Variants in KDM2B observed in about 807,000 individuals in gnomAD.
The protein encoded by KDM2B is lysine-specific demethylase 2B.
KDM2B carries 26 observed loss-of-function variants against 150.0 expected under a neutral mutation model. The ratio of observed to expected loss-of-function variants is 0.17; its 90% confidence interval spans 0.13 to 0.24. KDM2B has a LOEUF of 0.24. KDM2B is among the 10% of genes least tolerant of loss of function. The pLI, the probability that KDM2B is intolerant of heterozygous loss-of-function variation, is 1.00. For missense variants in KDM2B, 1,265 were observed against 1,816.9 expected (o/e 0.70, Z 5.52); for synonymous variants, 734 against 729.5 (o/e 1.01, Z -0.10).
chr12:121,544,297 A>C lies in KDM2B; in HGVS notation c.683+4580T>G, dbSNP rs376923955. Among the ~76,000 whole-genome samples, 127 of 151,946 alleles carry C rather than the reference A, an allele frequency of 8.4e-4. No individual in the cohort carries two copies. The South Asian group carries it at 0.02, about 24-fold the overall frequency. On this transcript the variant is annotated intron_variant, in intron 6 of 22. Transcript: ENST00000377071. The stretch of plus-strand genomic sequence containing the variant: ...CAACAAAGCAAGACTCTGTCTCCAA[A>C]AAATAAAAAACAAATAAACAAAAAG...
chr12:121,500,203 T>C (rs1169006027), intron 11 of KDM2B, among the ~76,000 whole-genome samples: 1 of 152,146 alleles, frequency 6.6e-6, no homozygotes, highest in Non-Finnish European at 1.5e-5. Flanking sequence ...ATCATGTCAC[T>C]GGCTTCCCTA....
At chr12:121,443,594 G>A (rs1184376603) in intron 17 of KDM2B, 86 bp downstream of exon 17, 4 of 800,206 alleles carry the variant, frequency 5.0e-6, no homozygotes, top group Non-Finnish European at 6.6e-6. Context: ...GCAGCAGTGG[G>A]GTGGAGGACC....
At chr12:121,480,921 T>G (rs1274682451) in intron 12 of KDM2B, among the ~76,000 whole-genome samples, 6 of 108,436 alleles carry the variant, frequency 5.5e-5, no homozygotes, top group East Asian at 8.6e-4. Flanking sequence ...GTGAGAGGTG[T>G]TTTTTTTGTT....
Position 121,467,019 on chromosome 12 carries a change from G to A in KDM2B, c.1735-13675C>T, listed in dbSNP as rs1427438658. ...TACGCCCCGCTCGGGCCCGGCCCCG[G>A]CCGCCCCGCCGGCAGCGGCAGCAAA... is the stretch of plus-strand genomic sequence containing the variant. On this transcript the variant is annotated intron_variant, in intron 12 of 22. Transcript: ENST00000377071. This position sits in a 1 kb window ranked among gnomAD's most constrained non-coding sequence, Gnocchi z 5.1. 28 of 318,378 alleles carry A rather than the reference G, an allele frequency of 8.8e-5. No homozygotes were observed. The highest frequency in any genetic ancestry group is 1.2e-4 in the Non-Finnish European group (25 of 215,728). The allele number at this position is 318,378 out of a possible 1,614,324, so 19.7% of individuals were successfully genotyped here.
In KDM2B at chr12:121,442,984, G is replaced by A. The variant is rs782042987; in HGVS notation, c.2604+8C>T. Reference sequence around the variant, plus strand: ...GCCTGGGGCACAGGAGGGAGGGGAAGATGGTACCTTTTTCCTGAAAAGCTT... The same window carrying A: ...GCCTGGGGCACAGGAGGGAGGGGAAAATGGTACCTTTTTCCTGAAAAGCTT... On this transcript the variant is annotated splice_region_variant and intron_variant, in intron 18 of 22. Transcript: ENST00000377071. This position sits in a 1 kb window ranked among gnomAD's most constrained non-coding sequence, Gnocchi z 7.7. 1.9e-6 allele frequency: 3 copies of A among 1,613,326 alleles called. No homozygotes were observed. Among genetic ancestry groups the A allele is most frequent in the Admixed American group, 3.3e-5 (2 of 59,924 alleles).
rs1181587387 is a variant in KDM2B at position 121,537,116 on chromosome 12, TTCCTGGCCGCCAA to T, written c.684-2539_684-2527del. Among the ~76,000 whole-genome samples, 24 of 151,998 alleles carry T rather than the reference TTCCTGGCCGCCAA, an allele frequency of 1.6e-4. No homozygotes were observed. The highest frequency in any genetic ancestry group is 5.9e-4 in the Admixed American group (9 of 15,274). ...GGCCCCTCCTCCCGGTGTCCCTCATTTCCTGGCCGCCAAGCCTGGCCGCCCCTCCCACCCCGCG... is the reference window on the plus strand; with the variant it reads ...GGCCCCTCCTCCCGGTGTCCCTCATTGCCTGGCCGCCCCTCCCACCCCGCG... On this transcript the variant is annotated intron_variant, in intron 6 of 22. Transcript: ENST00000377071. The surrounding 1 kb of genome is among the most constrained non-coding windows in gnomAD (Gnocchi z 8.7).
At chr12:121,489,417 G>A (rs1161941788) in intron 12 of KDM2B, among the ~76,000 whole-genome samples, 6 of 151,656 alleles carry the variant, frequency 4.0e-5, no homozygotes, top group African/African-American at 1.5e-4. Flanking sequence ...CTACAGGCGT[G>A]AGCCACCGCA....
At position 121,493,059 on chromosome 12, in the gene KDM2B, C is replaced by CTTTTTTT. The variant is rs61628112; in HGVS notation, c.1734+1513_1734+1519dup. On this transcript the variant is annotated intron_variant, in intron 12 of 22. Transcript: ENST00000377071. ...TACAGGCATGCACTATCATGCCTGGCTTTTTTTTTTTTTTTTTTTTTTTTT... is the reference window on the plus strand; with the variant it reads ...TACAGGCATGCACTATCATGCCTGGCTTTTTTTTTTTTTTTTTTTTTTTTTTTTTTTT... Among the ~76,000 whole-genome samples the CTTTTTTT allele has an allele frequency of 9.2e-5, 5 of 54,080 alleles. 1 individual carries two copies. The highest frequency in any genetic ancestry group is 4.8e-4 in the African/African-American group (4 of 8,344). The allele number at this position is 54,080 out of a possible 152,430, so 35.5% of individuals were successfully genotyped here. A position where few individuals can be genotyped will look rare whatever the true frequency, so the allele number is the denominator to read the frequency against.
Position 121,529,772 on chromosome 12 carries a change from A to G in KDM2B, c.931+3034T>C, listed in dbSNP as rs143991605. Among the ~76,000 whole-genome samples, 72 of 152,042 alleles carry G rather than the reference A, an allele frequency of 4.7e-4. No homozygotes were observed. The East Asian group carries it at 0.012, about 25-fold the overall frequency. ...TGGCAAAACCCCGTTGCTACTAAAA[A>G]TACAAAAATTAGCCGGGCATGGTGG... On this transcript the variant is annotated intron_variant, in intron 8 of 22. Coordinates refer to ENST00000377071, the MANE Select transcript of KDM2B (RefSeq NM_032590.5).
chr12:121,494,277 C>CA (rs1883673893), intron 12 of KDM2B: 1 of 342,480 alleles, frequency 2.9e-6, no homozygotes, highest in Admixed American at 4.7e-5. Context: ...AGGGAAGAAG[C>CA]AAGGGAGTGA....
At chr12:121,432,723 C>T (rs1555285837) in intron 22 of KDM2B, among the ~76,000 whole-genome samples, 1 of 152,228 alleles carries the variant, frequency 6.6e-6, no homozygotes, top group Non-Finnish European at 1.5e-5. Context: ...TTCCCAGCTC[C>T]CTATCTGCCT....
intron 8 of KDM2B, among the ~76,000 whole-genome samples, chr12:121,529,967 G>A (rs1479377192): frequency 1.3e-5 from 2 of 150,216 alleles, no homozygotes; most frequent in African/African-American, 2.5e-5. Context: ...AGTGGCTCAC[G>A]CCTGTAATCC....
chr12:121,502,760 C>CA (rs3080029), intron 11 of KDM2B, among the ~76,000 whole-genome samples: 2,618 of 44,942 alleles, frequency 0.058, 167 homozygotes, highest in African/African-American at 0.076. Flanking sequence ...CCATCTCTAC[C>CA]AAAAAAAAAA....
intron 12 of KDM2B, among the ~76,000 whole-genome samples, chr12:121,472,167 A>G (rs1880839786): frequency 6.6e-6 from 1 of 152,200 alleles, no homozygotes; most frequent in Non-Finnish European, 1.5e-5. Context: ...GTTGCTTCCT[A>G]CACAAGTAAT....
At chr12:121,461,645 G>A (rs1282272253) in intron 12 of KDM2B, among the ~76,000 whole-genome samples, 3 of 152,124 alleles carry the variant, frequency 2.0e-5, no homozygotes, top group East Asian at 1.9e-4. Context: ...AAGGGGGCTC[G>A]GGAGAGGGGA....
chr12:121,580,249 T>C, intron 1 of KDM2B: 1 of 882,174 alleles, frequency 1.1e-6, no homozygotes, highest in Non-Finnish European at 1.4e-6. Flanking sequence ...TTTTCAGCAG[T>C]TGTGGGGGGG....
intron 8 of KDM2B, among the ~76,000 whole-genome samples, chr12:121,526,521 C>T (rs1252912578): frequency 6.6e-6 from 1 of 152,124 alleles, no homozygotes; most frequent in African/African-American, 2.4e-5. Flanking sequence ...GGTTCTTGCT[C>T]TGACCTGGTC....
chr12:121,466,772 C>T (rs1880027946), intron 12 of KDM2B, among the ~76,000 whole-genome samples: 2 of 147,294 alleles, frequency 1.4e-5, no homozygotes, highest in Non-Finnish European at 3.0e-5. Context: ...CCCGGGGCAG[C>T]CGGCACGCGC....
At chr12:121,426,357 T>C (rs150753971), downstream of KDM2B, among the ~76,000 whole-genome samples, 3 of 152,182 alleles carry the variant, frequency 2.0e-5, no homozygotes, top group South Asian at 2.1e-4. Flanking sequence ...GTAACAGGCT[T>C]GATACTTGGA....
Sources: allele counts gnomAD v4.1 joint callset (sites outside exome capture counted in the v4.1 genomes callset), GRCh38; gene constraint gnomAD v4.1.1; non-coding constraint Gnocchi (gnomAD v3.1); transcripts MANE v1.5; gene names NCBI Gene and HGNC (gene_info 2026-07-23, HGNC 2026-07-21).